Variants in CSRP2 observed in about 807,000 individuals in gnomAD.
CSRP2 encodes the protein cysteine and glycine rich protein 2.
Under a neutral mutation model 24.6 loss-of-function variants are expected in CSRP2, and 18 were observed. That is an observed-to-expected ratio of 0.73 (90% confidence interval 0.51 to 1.09). The LOEUF (loss-of-function observed/expected upper bound fraction) is 1.09, where lower values mean the gene tolerates loss of function less well. CSRP2 is among the 50% of genes least tolerant of loss of function. The pLI, the probability that CSRP2 is intolerant of heterozygous loss-of-function variation, is 0.00. For missense variants in CSRP2, 215 were observed against 239.4 expected (o/e 0.90, Z 0.67); for synonymous variants, 87 against 84.3 (o/e 1.03, Z -0.18).
At position 76,866,270 on chromosome 12, in the gene CSRP2, A is replaced by G; in HGVS notation, c.-1-9T>C. 2 of 1,605,686 alleles carry G rather than the reference A, an allele frequency of 1.2e-6. No individual in the cohort carries two copies. The highest frequency in any genetic ancestry group is 4.5e-5 in the East Asian group (2 of 44,822). On this transcript the variant is annotated splice_polypyrimidine_tract_variant and intron_variant, in intron 1 of 5. Transcript: ENST00000311083. ...CTCCCCAGACAGGCATTCTGAAGGA[A>G]TAAAGGATTCATTAGAATGTCCCTG...
rs33997080 is a variant in CSRP2, at chr12:76,867,332, T to TA, written c.-1-1072dup. Among the ~76,000 whole-genome samples the TA allele has an allele frequency of 6.5e-3, 649 of 100,144 alleles. 10 individuals carry two copies. Among genetic ancestry groups the TA allele is most frequent in the African/African-American group, 0.014 (363 of 25,496 alleles). 65.7% of individuals were successfully genotyped at this position (100,144 alleles called of 152,430 possible). A position where few individuals can be genotyped will look rare whatever the true frequency, so the allele number is the denominator to read the frequency against. ...AGCGAAACCCCGTCTCTGCTAAATT[T>TA]AAAAAAAAAAAAAAAAAAAAAAAAA... On this transcript the variant is annotated intron_variant, in intron 1 of 5. Transcript: ENST00000311083.
At chr12:76,859,331 A>T (rs1953650445) in intron 5 of CSRP2, 1 of 596,280 alleles carries the variant, frequency 1.7e-6, no homozygotes, top group African/African-American at 1.9e-5. Flanking sequence ...TGAAGGCAAA[A>T]GATGGCTATT....
intron 5 of CSRP2, among the ~76,000 whole-genome samples, chr12:76,859,275 T>C (rs987620931): frequency 4.6e-5 from 7 of 152,210 alleles, no homozygotes; most frequent in Non-Finnish European, 8.8e-5. Context: ...AGGTAAGGTA[T>C]GTATTTGTCT....
At chr12:76,876,837 C>T (rs961921589) in intron 1 of CSRP2, among the ~76,000 whole-genome samples, 5 of 152,212 alleles carry the variant, frequency 3.3e-5, no homozygotes, top group African/African-American at 1.2e-4. Context: ...TATATTCAAC[C>T]AAGTGCACAA....
chr12:76,859,177 A>AT (rs1217344452), intron 5 of CSRP2, 149 bp from the exon 6 acceptor site: 2 of 680,238 alleles, frequency 2.9e-6, no homozygotes, highest in African/African-American at 3.6e-5. Context: ...CATGTACTAA[A>AT]TATCTTAAAG....
intron 1 of CSRP2, among the ~76,000 whole-genome samples, chr12:76,871,789 C>G (rs73129320): frequency 0.035 from 5,265 of 149,882 alleles, 137 homozygotes; most frequent in Non-Finnish European, 0.052. Context: ...AGAAAAGAAA[C>G]GAAGTTCAAA....
At chr12:76,873,482 G>T (rs1041105181) in intron 1 of CSRP2, among the ~76,000 whole-genome samples, 1 of 152,150 alleles carries the variant, frequency 6.6e-6, no homozygotes, top group Non-Finnish European at 1.5e-5. Flanking sequence ...TCATGTCTTA[G>T]TGATCAGCTC....
chr12:76,871,400 A>C (rs901500351), intron 1 of CSRP2, among the ~76,000 whole-genome samples: 1 of 152,224 alleles, frequency 6.6e-6, no homozygotes, highest in Non-Finnish European at 1.5e-5. Context: ...TGGTCACTAT[A>C]AACCTTCTTT....
At chr12:76,859,079 C>T (rs777876313) in intron 5 of CSRP2, 51 bp from the exon 6 acceptor site, 7 of 1,500,576 alleles carry the variant, frequency 4.7e-6, no homozygotes, top group Non-Finnish European at 6.5e-6. Context: ...TTAAGCTTTG[C>T]TAGCACTGCT....
chr12:76,868,643 T>C (rs1476683232), intron 1 of CSRP2, among the ~76,000 whole-genome samples: 2 of 152,192 alleles, frequency 1.3e-5, no homozygotes, highest in African/African-American at 2.4e-5. Context: ...TTACCATAGA[T>C]GATTTGAAAA....
chr12:76,859,688 A>T (rs371789866), intron 4 of CSRP2, 48 bp from the exon 5 acceptor site: 45 of 1,393,706 alleles, frequency 3.2e-5, no homozygotes, highest in Non-Finnish European at 4.1e-5. Context: ...TGTTTCCTAC[A>T]GTTCAATTTA....
intron 5 of CSRP2, 101 bp downstream of exon 5, chr12:76,859,446 G>T: frequency 2.7e-6 from 2 of 749,964 alleles, no homozygotes; most frequent in Non-Finnish European, 2.2e-6. Context: ...GAAAATAGTG[G>T]CATACTTTTC....
At chr12:76,865,271 C>A (rs1037639490) in intron 2 of CSRP2, among the ~76,000 whole-genome samples, 5 of 152,116 alleles carry the variant, frequency 3.3e-5, no homozygotes, top group Admixed American at 6.5e-5. Context: ...TGGTTACAAG[C>A]CTGCTGAAAA....
intron 1 of CSRP2, among the ~76,000 whole-genome samples, chr12:76,875,832 CAACTA>C (rs1177927347): frequency 6.6e-6 from 1 of 152,180 alleles, no homozygotes; most frequent in Non-Finnish European, 1.5e-5. Context: ...ATCCTCATAA[CAACTA>C]AAGTAAGCAC....
intron 1 of CSRP2, among the ~76,000 whole-genome samples, chr12:76,867,582 GA>G (rs1953747986): frequency 6.6e-6 from 1 of 152,196 alleles, no homozygotes; most frequent in Non-Finnish European, 1.5e-5. Flanking sequence ...GTTCTGCTAA[GA>G]AGACATGTTA....
chr12:76,873,624 G>A (rs1254014097), intron 1 of CSRP2, among the ~76,000 whole-genome samples: 1 of 152,100 alleles, frequency 6.6e-6, no homozygotes, highest in Non-Finnish European at 1.5e-5. Context: ...GTAAACTTAG[G>A]GCAACAGTAC....
chr12:76,871,490 G>A (rs1451558308), intron 1 of CSRP2, among the ~76,000 whole-genome samples: 1 of 152,240 alleles, frequency 6.6e-6, no homozygotes, highest in Admixed American at 6.5e-5. Flanking sequence ...CAAAGTTCAA[G>A]CCGGATGCGG....
At chr12:76,875,007 A>G (rs1953839370) in intron 1 of CSRP2, among the ~76,000 whole-genome samples, 2 of 152,168 alleles carry the variant, frequency 1.3e-5, no homozygotes, top group South Asian at 4.1e-4. Flanking sequence ...CTCCAAAGAA[A>G]CAAATCAGGC....
intron 1 of CSRP2, among the ~76,000 whole-genome samples, chr12:76,869,529 AACACACACACACACACACACACAC>A (rs57542492): frequency 9.2e-4 from 124 of 135,420 alleles, no homozygotes; most frequent in East Asian, 3.6e-3. Context: ...TAAAACAAAC[AACACACACACACACACACACACAC>A]ACACACACAC....
Sources: allele counts gnomAD v4.1 joint callset (sites outside exome capture counted in the v4.1 genomes callset), GRCh38; gene constraint gnomAD v4.1.1; transcripts MANE v1.5; gene names NCBI Gene and HGNC (gene_info 2026-07-23, HGNC 2026-07-21).